Variants in SMG1 observed in about 807,000 individuals in gnomAD.
SMG1 encodes serine/threonine-protein kinase SMG1.
Under a neutral mutation model 419.9 loss-of-function variants are expected in SMG1, and 22 were observed. The ratio of observed to expected loss-of-function variants is 0.05; its 90% CI spans 0.04 to 0.07. SMG1 has a LOEUF of 0.07. SMG1 is among the 10% of genes least tolerant of loss of function. The pLI, the probability that SMG1 is intolerant of heterozygous loss-of-function variation, is 1.00. For synonymous variants in SMG1, 1,538 were observed against 1,553.5 expected (o/e 0.99, Z 0.23); for missense variants, 3,185 against 4,342.0 (o/e 0.73, Z 7.49).
chr16:18,905,558 T>G (rs1198187621), intron 1 of SMG1, among the ~76,000 whole-genome samples: 3 of 152,152 alleles, frequency 2.0e-5, no homozygotes, highest in Non-Finnish European at 2.9e-5. Flanking sequence ...TTAACTTTAA[T>G]TCCAGTGACT....
intron 60 of SMG1, among the ~76,000 whole-genome samples, chr16:18,814,597 CAG>C (rs2031810939): frequency 6.6e-6 from 1 of 151,898 alleles, no homozygotes. Flanking sequence ...TTTTTTGAGA[CAG>C]AGTCTTGCTC....
At chr16:18,905,641 C>T (rs1202070646) in intron 1 of SMG1, among the ~76,000 whole-genome samples, 4 of 143,576 alleles carry the variant, frequency 2.8e-5, no homozygotes, top group African/African-American at 1.0e-4. Context: ...GAGACAGACT[C>T]TGACTTTGTT....
At position 18,855,901 on chromosome 16, in the gene SMG1, A is replaced by G. The variant is rs371231101; in HGVS notation, c.4235-997T>C. Among the ~76,000 whole-genome samples, 76 of 151,924 alleles carry G rather than the reference A, an allele frequency of 5.0e-4. No individual in the cohort carries two copies. The South Asian group carries it at 8.4e-3, about 17-fold the overall frequency. ...TCACTGACATTCTGACAAATCCCAA[A>G]CTCCTGAATTCAGCTTGTTACTGAT... On this transcript the variant is annotated intron_variant, in intron 29 of 62. Coordinates refer to ENST00000446231, the MANE Select transcript of SMG1 (RefSeq NM_015092.5).
At position 18,847,916 on chromosome 16, in the gene SMG1, T is replaced by C; in HGVS notation, c.5741A>G (p.Glu1914Gly). The change falls in exon 37 of 63, where the codon GAA becomes GGA. Residue 1914 changes from glutamate to glycine, a missense_variant. This residue lies in a region of SMG1 where 130 missense variants were observed against 162.0 expected (regional missense o/e 0.80). Transcript: ENST00000446231. ...PPASQDSNKD[E>G]PKSGLNEDQA... Reference sequence around the variant, plus strand: ...GTCTTCATTTAATCCACTTTTAGGTTCATCCTTATTGCTATCCTGAGATGC... The same window carrying C: ...GTCTTCATTTAATCCACTTTTAGGTCCATCCTTATTGCTATCCTGAGATGC... 1 of 1,614,066 alleles carries C rather than the reference T, an allele frequency of 6.2e-7. No homozygotes were observed. The highest frequency in any genetic ancestry group is 1.1e-5 in the South Asian group (1 of 91,092).
intron 56 of SMG1, among the ~76,000 whole-genome samples, chr16:18,817,933 C>T (rs2032158370): frequency 6.6e-6 from 1 of 152,008 alleles, no homozygotes; most frequent in Non-Finnish European, 1.5e-5. Context: ...GACAAGGTCT[C>T]CCCTGTTGCC....
chr16:18,810,241 T>C (rs970911662), intron 62 of SMG1, among the ~76,000 whole-genome samples: 1 of 152,190 alleles, frequency 6.6e-6, no homozygotes, highest in Non-Finnish European at 1.5e-5. Flanking sequence ...CAAACTGACA[T>C]GTGTCTCTTG....
intron 33 of SMG1, among the ~76,000 whole-genome samples, chr16:18,850,915 T>C (rs1212880177): frequency 6.6e-6 from 1 of 152,140 alleles, no homozygotes; most frequent in Non-Finnish European, 1.5e-5. Context: ...TACCACGCCC[T>C]GCTGTTTTTT....
At chr16:18,867,563 A>G (rs940478381) in intron 22 of SMG1, among the ~76,000 whole-genome samples, 1 of 148,394 alleles carries the variant, frequency 6.7e-6, no homozygotes, top group Non-Finnish European at 1.5e-5. Flanking sequence ...ATAAATAAAT[A>G]AATAATTTAT....
chr16:18,841,272 C>T (rs2033903725), intron 41 of SMG1, among the ~76,000 whole-genome samples: 3 of 151,688 alleles, frequency 2.0e-5, no homozygotes, highest in South Asian at 2.1e-4. Flanking sequence ...TGGTTGTGCG[C>T]CCCCCATAGT....
chr16:18,832,988 G>A lies in SMG1; in HGVS notation c.8744C>T (p.Ala2915Val). 1 of 1,613,944 alleles carries A rather than the reference G, an allele frequency of 6.2e-7. No individual in the cohort carries two copies. The highest frequency in any genetic ancestry group is 8.5e-7 in the Non-Finnish European group (1 of 1,179,882). Residue 2915 changes from alanine (A) to valine (V), a missense_variant, in exon 51 of 63, where the codon GCT (alanine) becomes GTT (valine). This residue lies in a region of SMG1 where 737 missense variants were observed against 846.6 expected (regional missense o/e 0.87). Transcript: ENST00000446231. ...ESLQAYLRNA[A>V]MGLEEETHAH... ...ATGTGTTTCTTCTTCCAGTCCCATAGCTGCGTTTCTTAAGTAGGCCTGAAG... is the reference window on the plus strand; with the variant it reads ...ATGTGTTTCTTCTTCCAGTCCCATAACTGCGTTTCTTAAGTAGGCCTGAAG...
intron 1 of SMG1, among the ~76,000 whole-genome samples, chr16:18,906,583 AT>A (rs1270370877): frequency 6.6e-6 from 1 of 152,162 alleles, no homozygotes; most frequent in Non-Finnish European, 1.5e-5. Context: ...AACTTTTCAA[AT>A]ACTTTCCCAC....
chr16:18,872,498 T>A lies in SMG1; in HGVS notation c.2017A>T (p.Thr673Ser), dbSNP rs746044372. The A allele has an allele frequency of 7.8e-6, 12 of 1,541,868 alleles. No homozygotes were observed. The highest frequency in any genetic ancestry group is 1.0e-5 in the Non-Finnish European group (12 of 1,157,112). ...AAAAATTTGTAAATACAGTACCTGG[T>A]ACAATGAGAATACAATGTGTAGAGC... ...AVLYTLYSHC[T>S]RHDHFISSSL... The change falls in exon 14 of 63, where the codon ACC becomes TCC. Residue 673 changes from threonine to serine, a missense_variant. Thr to Ser is a moderately conservative substitution (Grantham distance 58). Coordinates refer to ENST00000446231, the MANE Select transcript of SMG1 (RefSeq NM_015092.5).
Position 18,805,412 on chromosome 16 carries a change from T to C in SMG1, c.*4157A>G, listed in dbSNP as rs150300658. The C allele has an allele frequency of 1.5e-4, 23 of 152,358 alleles. No individual in the cohort carries two copies. Among genetic ancestry groups the C allele is most frequent in the African/African-American group, 5.5e-4 (23 of 41,576 alleles). The allele number at this position is 152,358 out of a possible 1,614,324, so 9.4% of individuals were successfully genotyped here. On this transcript the variant is annotated 3_prime_UTR_variant, in exon 63 of 63. Coordinates refer to ENST00000446231, the MANE Select transcript of SMG1 (RefSeq NM_015092.5). ...TTACATTAGCACAACAAACAGCTTT[T>C]TCTAAGTCTAGCCAAGTTCCCATGG... is the stretch of plus-strand genomic sequence containing the variant.
In SMG1 at chr16:18,926,080, A is replaced by G. The variant is rs2038394336; in HGVS notation, c.-39T>C. 1 of 1,524,388 alleles carries G rather than the reference A, an allele frequency of 6.6e-7. No homozygotes were observed. Among genetic ancestry groups the G allele is most frequent in the Admixed American group, 2.0e-5 (1 of 49,810 alleles). The allele number at this position is 1,524,388 out of a possible 1,614,324, so 94.4% of individuals were successfully genotyped here. On this transcript the variant is annotated 5_prime_UTR_variant, in exon 1 of 63. Transcript: ENST00000446231. The stretch of plus-strand genomic sequence containing the variant: ...ACGACATGGCCAAGCGCCGCCGCCC[A>G]AAGAAGCGCGAGTCGCCGCCCGAAC...
Position 18,827,585 on chromosome 16 carries a change from A to T in SMG1, c.9741+446T>A, listed in dbSNP as rs555693168. Among the ~76,000 whole-genome samples the T allele has an allele frequency of 1.1e-3, 146 of 138,748 alleles. 7 individuals are homozygous for T. In the East Asian group the frequency reaches 0.018, roughly 17 times the overall value. The allele number at this position is 138,748 out of a possible 152,430, so 91.0% of individuals were successfully genotyped here. On this transcript the variant is annotated intron_variant, in intron 55 of 62. Transcript: ENST00000446231. ...TTGGTATAAATATACCAAAATATAT[A>T]TTTTTAGATATATTTGGTATAAATA...
At chr16:18,833,627 A>G (rs972632029) in intron 50 of SMG1, among the ~76,000 whole-genome samples, 23 of 152,204 alleles carry the variant, frequency 1.5e-4, no homozygotes, top group African/African-American at 4.8e-4. Context: ...TTTAAAATAT[A>G]TAATTTGTTA....
At position 18,926,355 on chromosome 16, in the gene SMG1, G is replaced by T; in HGVS notation, c.-314C>A. 1 of 335,234 alleles carries T rather than the reference G, an allele frequency of 3.0e-6. No individual in the cohort carries two copies. Among genetic ancestry groups the T allele is most frequent in the South Asian group, 5.9e-5 (1 of 16,828 alleles). 20.8% of individuals were successfully genotyped at this position (335,234 alleles called of 1,614,324 possible). On this transcript the variant is annotated 5_prime_UTR_variant, in exon 1 of 63. Transcript: ENST00000446231. ...CCACGTCGCCGGGGCCCCGGAGGAC[G>T]AGGACGACGAGGAGCAGGCGGTGGC...
chr16:18,851,419 A>G (rs2650610), intron 33 of SMG1, among the ~76,000 whole-genome samples: 78,247 of 152,026 alleles, frequency 0.51, 20,328 homozygotes, highest in Middle Eastern at 0.59. Flanking sequence ...GCGCACGCGC[A>G]CACACGTCTC....
chr16:18,830,559 G>A (rs1567331337), intron 51 of SMG1, among the ~76,000 whole-genome samples, 190 bp from the exon 52 acceptor site: 1 of 152,016 alleles, frequency 6.6e-6, no homozygotes, highest in Non-Finnish European at 1.5e-5. Context: ...AGGCCGAGGT[G>A]GGCAGATCAC....
Sources: allele counts gnomAD v4.1 joint callset (sites outside exome capture counted in the v4.1 genomes callset), GRCh38; gene constraint gnomAD v4.1.1; regional missense constraint gnomAD v4.1.1; transcripts MANE v1.5; gene names NCBI Gene and HGNC (gene_info 2026-07-23, HGNC 2026-07-21).